Variants in TAFA4 observed in about 807,000 individuals in gnomAD.
The protein encoded by TAFA4 is TAFA chemokine like family member 4.
A neutral mutation model predicts 21.1 loss-of-function variants in TAFA4; 20 were observed. The ratio of observed to expected loss-of-function variants is 0.95; its 90% CI spans 0.67 to 1.38. TAFA4 has a LOEUF of 1.38. Ranked by LOEUF, TAFA4 falls within the 40% of genes most tolerant of loss-of-function variation. The pLI is 0.00. For missense variants in TAFA4, 211 were observed against 180.9 expected (o/e 1.17, Z -0.95); for synonymous variants, 71 against 67.4 (o/e 1.05, Z -0.26).
At chr3:68,926,353 T>C (rs145322511) in intron 1 of TAFA4, among the ~76,000 whole-genome samples, 1 of 152,332 alleles carries the variant, frequency 6.6e-6, no homozygotes, top group African/African-American at 2.4e-5. Context: ...TTTCTTTTTT[T>C]TAACTTTCCT....
chr3:68,812,142 C>A (rs1703855315), intron 3 of TAFA4, among the ~76,000 whole-genome samples: 1 of 152,150 alleles, frequency 6.6e-6, no homozygotes, highest in Admixed American at 6.6e-5. Flanking sequence ...TCTGTCACCA[C>A]CAGGCCTGTG....
At chr3:68,871,499 G>T (rs1173804977) in intron 3 of TAFA4, among the ~76,000 whole-genome samples, 1 of 152,094 alleles carries the variant, frequency 6.6e-6, no homozygotes, top group East Asian at 1.9e-4. Flanking sequence ...CTGGGGAAAT[G>T]CTTCAAGACA....
chr3:68,824,902 A>T (rs116630128), intron 3 of TAFA4, among the ~76,000 whole-genome samples: 50 of 152,048 alleles, frequency 3.3e-4, no homozygotes, highest in Non-Finnish European at 6.0e-4. Flanking sequence ...TTACCCTTTA[A>T]TTTCTCAACT....
At chr3:68,745,552 G>A (rs143504757) in intron 4 of TAFA4, among the ~76,000 whole-genome samples, 1 of 152,254 alleles carries the variant, frequency 6.6e-6, no homozygotes, top group African/African-American at 2.4e-5. Flanking sequence ...AGACAGTGAC[G>A]CCCTCCCTGG....
At chr3:68,823,317 T>G (rs1367606918) in intron 3 of TAFA4, among the ~76,000 whole-genome samples, 1 of 152,198 alleles carries the variant, frequency 6.6e-6, no homozygotes, top group Non-Finnish European at 1.5e-5. Flanking sequence ...ACCCACAAAC[T>G]TGTCATCAAA....
chr3:68,835,752 C>G (rs1436558708), intron 3 of TAFA4, among the ~76,000 whole-genome samples: 1 of 152,198 alleles, frequency 6.6e-6, no homozygotes, highest in African/African-American at 2.4e-5. Flanking sequence ...ATGAAGAAAT[C>G]TGTAAGACTC....
chr3:68,910,420 A>G (rs1233129446), intron 1 of TAFA4, among the ~76,000 whole-genome samples: 2 of 152,250 alleles, frequency 1.3e-5, no homozygotes, highest in Non-Finnish European at 2.9e-5. Context: ...AACTCACTTT[A>G]GGATGTAACC....
intron 3 of TAFA4, among the ~76,000 whole-genome samples, chr3:68,878,373 G>T (rs975245681): frequency 6.6e-6 from 1 of 152,144 alleles, no homozygotes; most frequent in Non-Finnish European, 1.5e-5. Flanking sequence ...TCTTAAAGTT[G>T]TAAGATGCTT....
intron 3 of TAFA4, among the ~76,000 whole-genome samples, chr3:68,841,523 G>A (rs1013354822): frequency 6.6e-5 from 10 of 151,902 alleles, no homozygotes; most frequent in African/African-American, 2.2e-4. Flanking sequence ...ACCTCCAGTT[G>A]ATTTACTAGA....
chr3:68,795,045 G>C (rs907516318), intron 3 of TAFA4, among the ~76,000 whole-genome samples: 2 of 128,120 alleles, frequency 1.6e-5, no homozygotes, highest in Non-Finnish European at 3.5e-5. Context: ...CAGACACACA[G>C]TCTTTTTGTC....
chr3:68,736,912 C>A (rs1702251355), intron 5 of TAFA4, among the ~76,000 whole-genome samples: 1 of 151,470 alleles, frequency 6.6e-6, no homozygotes, highest in African/African-American at 2.4e-5. Context: ...GCTTGGGGAA[C>A]TGTATTATCT....
At chr3:68,743,734 G>A (rs144459965) in intron 4 of TAFA4, among the ~76,000 whole-genome samples, 3 of 152,158 alleles carry the variant, frequency 2.0e-5, no homozygotes, top group Non-Finnish European at 4.4e-5. Context: ...CCAGAAAGGG[G>A]AGCCAGATGG....
chr3:68,885,087 G>A, intron 2 of TAFA4, 88 bp downstream of exon 2: 1 of 1,290,548 alleles, frequency 7.7e-7, no homozygotes, highest in Non-Finnish European at 1.1e-6. Flanking sequence ...TTCTAAAACG[G>A]ATCATCAACT....
chr3:68,770,294 C>G (rs9851134), intron 3 of TAFA4, among the ~76,000 whole-genome samples: 51,678 of 151,966 alleles, frequency 0.34, 9,244 homozygotes, highest in Non-Finnish European at 0.39. Context: ...GGTTATGCAT[C>G]TTACATGCTG....
intron 3 of TAFA4, among the ~76,000 whole-genome samples, chr3:68,861,331 T>C (rs958165986): frequency 2.6e-5 from 4 of 151,980 alleles, no homozygotes; most frequent in African/African-American, 9.7e-5. Flanking sequence ...TTCCCACTTG[T>C]ATATGAAAAG....
intron 1 of TAFA4, among the ~76,000 whole-genome samples, chr3:68,905,036 C>A (rs1302090231): frequency 2.0e-5 from 3 of 152,028 alleles, no homozygotes; most frequent in Non-Finnish European, 4.4e-5. Context: ...GCTCCCCCTG[C>A]ATTACATTTT....
At chr3:68,779,389 G>A (rs961728806) in intron 3 of TAFA4, among the ~76,000 whole-genome samples, 4 of 152,196 alleles carry the variant, frequency 2.6e-5, no homozygotes, top group African/African-American at 9.6e-5. Flanking sequence ...TAATCACCAA[G>A]ACAATGGGAA....
intron 1 of TAFA4, among the ~76,000 whole-genome samples, chr3:68,915,466 C>A (rs537426911): frequency 2.0e-5 from 3 of 152,168 alleles, no homozygotes; most frequent in Non-Finnish European, 4.4e-5. Context: ...GTCATTACTG[C>A]ATCTTTAAAG....
Position 68,925,472 on chromosome 3 carries a change from CTTAA to C in TAFA4, c.-123+6764_-123+6767del, listed in dbSNP as rs1293981176. Among the ~76,000 whole-genome samples the C allele has an allele frequency of 1.1e-4, 16 of 152,228 alleles. No homozygotes were observed. The South Asian group carries it at 3.1e-3, about 30-fold the overall frequency. ...CCCAGTAATTTTTTCTTTGGATGGC[CTTAA>C]TTAAACATCACACTGTACAAAATAT... On this transcript the variant is annotated intron_variant, in intron 1 of 5. Transcript: ENST00000295569.
Sources: gnomAD v4.1 joint callset for allele counts (sites outside exome capture counted in the v4.1 genomes callset) on GRCh38, gnomAD v4.1.1 for gene constraint, MANE v1.5 for transcripts, NCBI Gene and HGNC (gene_info 2026-07-23, HGNC 2026-07-21) for gene names.